BEND4: variants seen among roughly 807,000 people sequenced by gnomAD.
BEND4 encodes the protein BEN domain containing 4.
A neutral mutation model predicts 54.7 loss-of-function variants in BEND4; 27 were observed. The ratio of observed to expected loss-of-function variants is 0.49; its 90% CI spans 0.36 to 0.68. BEND4 has a LOEUF of 0.68. Among genes scored for constraint, BEND4 ranks in the 30% least tolerant of loss-of-function variants. BEND4 has a pLI of 0.00. For synonymous variants in BEND4, 327 were observed against 299.5 expected (o/e 1.09, Z -0.95); for missense variants, 702 against 697.2 (o/e 1.01, Z -0.08).
chr4:42,129,042 GC>G (rs2153145660), intron 3 of BEND4, among the ~76,000 whole-genome samples: 1 of 152,278 alleles, frequency 6.6e-6, no homozygotes, highest in Admixed American at 6.5e-5. Context: ...CACTGTCTCA[GC>G]CCAAAAGCTT....
Position 42,151,684 on chromosome 4 carries a change from C to T in BEND4, c.460G>A (p.Asp154Asn). Residue 154 changes from aspartate (D) to asparagine (N), a missense_variant, in exon 2 of 6, where the codon GAC (aspartate) becomes AAC (asparagine). Transcript: ENST00000502486. ...GCGCTGAGCTCCAGGCTGGCGCTGT[C>T]GCTACCCGTGCCGCCGGTGCCGGCG... Reference protein sequence around the residue: ...AAAGTGGTGSDSASLELSAES... With the variant: ...AAAGTGGTGSNSASLELSAES... 6.6e-7 allele frequency: 1 copy of T among 1,505,484 alleles called. No individual in the cohort carries two copies. The allele number at this position is 1,505,484 out of a possible 1,614,324, so 93.3% of individuals were successfully genotyped here. A position where few individuals can be genotyped will look rare whatever the true frequency, so the allele number is the denominator to read the frequency against.
chr4:42,130,590 CAG>C (rs1305564095), intron 3 of BEND4, among the ~76,000 whole-genome samples: 6 of 150,906 alleles, frequency 4.0e-5, no homozygotes, highest in Admixed American at 6.6e-5. Flanking sequence ...TGTGGAGAAA[CAG>C]AAACGTTTTT....
intron 3 of BEND4, among the ~76,000 whole-genome samples, chr4:42,138,387 C>T (rs1367323415): frequency 1.3e-5 from 2 of 152,058 alleles, no homozygotes; most frequent in African/African-American, 2.4e-5. Flanking sequence ...TTCAAATATA[C>T]AGAGCTAGAG....
rs1007151813 is a variant in BEND4, at chr4:42,111,198, T to C, written c.*6320A>G. ...AATTGTTCACAAAAAAATCTTGCTA[T>C]TCTATATTACACTATGCATTTGTAG... On this transcript the variant is annotated 3_prime_UTR_variant, in exon 6 of 6. Transcript: ENST00000502486. 6.6e-6 allele frequency: 1 copy of C among 152,258 alleles called. No individual in the cohort carries two copies. The highest frequency in any genetic ancestry group is 1.5e-5 in the Non-Finnish European group (1 of 68,044). The allele number at this position is 152,258 out of a possible 1,614,324, so 9.4% of individuals were successfully genotyped here.
rs573080435 is a variant in BEND4, at chr4:42,137,412, C to T, written c.1054+6016G>A. Among the ~76,000 whole-genome samples the T allele has an allele frequency of 3.9e-5, 6 of 152,182 alleles. No individual in the cohort carries two copies. The South Asian group carries it at 1.0e-3, about 26-fold the overall frequency. On this transcript the variant is annotated intron_variant, in intron 3 of 5. Transcript: ENST00000502486. ...ATACAAGACCAGAAACTATAAAAGT[C>T]CTGGAAGACAAAGAACACAGGGGAA...
chr4:42,150,158 T>A, intron 2 of BEND4, among the ~76,000 whole-genome samples: 1 of 149,764 alleles, frequency 6.7e-6, no homozygotes, highest in African/African-American at 2.5e-5. Context: ...TAGGAGAAAA[T>A]AAGATCTCAA....
chr4:42,147,960 T>G (rs1405159386), intron 2 of BEND4, among the ~76,000 whole-genome samples: 1 of 152,134 alleles, frequency 6.6e-6, no homozygotes, highest in Non-Finnish European at 1.5e-5. Context: ...ATGAAGGAGA[T>G]CACAGTAGTC....
Position 42,111,447 on chromosome 4 carries a change from C to T in BEND4, c.*6071G>A, listed in dbSNP as rs573136774. 1 of 152,302 alleles carries T rather than the reference C, an allele frequency of 6.6e-6. No homozygotes were observed. The highest frequency in any genetic ancestry group is 2.1e-4 in the South Asian group (1 of 4,822). The allele number at this position is 152,302 out of a possible 1,614,324, so 9.4% of individuals were successfully genotyped here. The stretch of plus-strand genomic sequence containing the variant: ...GAGAGGAGAGACATAAAGGCAATGC[C>T]TAAATTGCGCAGGGTCGGGCTGGAA... On this transcript the variant is annotated 3_prime_UTR_variant, in exon 6 of 6. Coordinates refer to ENST00000502486, the MANE Select transcript of BEND4 (RefSeq NM_207406.4).
In BEND4 at chr4:42,117,558, T is replaced by G. The variant is rs372409870; in HGVS notation, c.1565A>C (p.Glu522Ala). The change falls in exon 6 of 6, where the codon GAA (glutamate) becomes GCA (alanine). Residue 522 changes from glutamate (E) to alanine (A), a missense_variant. Transcript: ENST00000502486. ...ATCCTGGGAACTTTTATTGAAGACT[T>G]CATCCTGAGAAGCCTGGTGATCGAT... ...EGIDHQASQD[E>A]VFNKSSQDGS... The G allele has an allele frequency of 1.9e-6, 3 of 1,612,862 alleles. No homozygotes were observed. The highest frequency in any genetic ancestry group is 2.5e-6 in the Non-Finnish European group (3 of 1,179,544).
intron 3 of BEND4, among the ~76,000 whole-genome samples, chr4:42,126,289 G>A (rs560064838): frequency 6.6e-6 from 1 of 152,306 alleles, no homozygotes; most frequent in East Asian, 1.9e-4. Flanking sequence ...TGACTTATTT[G>A]ACTCAGGTTG....
intron 5 of BEND4, 67 bp from the exon 6 acceptor site, chr4:42,117,802 C>A: frequency 1.8e-6 from 2 of 1,087,082 alleles, no homozygotes. Flanking sequence ...CAGAAGATGA[C>A]AGGGCAGGCT....
intron 3 of BEND4, among the ~76,000 whole-genome samples, chr4:42,142,068 G>A (rs60649608): frequency 2.0e-5 from 3 of 151,352 alleles, no homozygotes; most frequent in East Asian, 4.0e-4. Context: ...CATGCCTGGC[G>A]ACTTTTGTGT....
At chr4:42,128,459 T>TA (rs951655074) in intron 3 of BEND4, among the ~76,000 whole-genome samples, 28 of 151,612 alleles carry the variant, frequency 1.8e-4, no homozygotes, top group African/African-American at 6.3e-4. Flanking sequence ...CCGTTTCTAT[T>TA]AAAAAACACA....
Position 42,143,765 on chromosome 4 carries a change from T to C in BEND4, c.717A>G (p.Lys239=). 1 of 1,613,816 alleles carries C rather than the reference T, an allele frequency of 6.2e-7. No individual in the cohort carries two copies. The highest frequency in any genetic ancestry group is 8.5e-7 in the Non-Finnish European group (1 of 1,179,776). ...VDIEMQYMQR[K]QQTSAFLRVF... is the part of the protein sequence containing the mutation. The stretch of plus-strand genomic sequence containing the variant: ...CCCTCAAAAAGGCAGAAGTTTGTTG[T>C]TTCCTTTGCATATACTGCATCTCTA... The change falls in exon 3 of 6, where the codon AAA becomes AAG. Residue 239 remains lysine (K), a synonymous_variant. Coordinates refer to ENST00000502486, the MANE Select transcript of BEND4 (RefSeq NM_207406.4).
intron 3 of BEND4, among the ~76,000 whole-genome samples, chr4:42,126,678 A>G (rs1720299781): frequency 6.6e-6 from 1 of 152,200 alleles, no homozygotes; most frequent in Non-Finnish European, 1.5e-5. Flanking sequence ...GATTTACATT[A>G]CAGTCCTTTC....
At position 42,114,302 on chromosome 4, in the gene BEND4, G is replaced by T. The variant is rs1429762404; in HGVS notation, c.*3216C>A. 1.3e-5 allele frequency: 2 copies of T among 152,210 alleles called. No homozygotes were observed. Among genetic ancestry groups the T allele is most frequent in the Non-Finnish European group, 2.9e-5 (2 of 68,076 alleles). The allele number at this position is 152,210 out of a possible 1,614,324, so 9.4% of individuals were successfully genotyped here. ...ACTGCGAAAAGCCGGCATGATCTTT[G>T]TAACAAGATTTTAATTTGGAAAACA... is the stretch of plus-strand genomic sequence containing the variant. On this transcript the variant is annotated 3_prime_UTR_variant, in exon 6 of 6. Coordinates refer to ENST00000502486, the MANE Select transcript of BEND4 (RefSeq NM_207406.4).
chr4:42,140,398 A>G (rs1720841557), intron 3 of BEND4, among the ~76,000 whole-genome samples: 1 of 152,160 alleles, frequency 6.6e-6, no homozygotes, highest in African/African-American at 2.4e-5. Flanking sequence ...TGTTGGATGT[A>G]TTTCTTAACA....
intron 4 of BEND4, among the ~76,000 whole-genome samples, chr4:42,121,313 C>G (rs1156561364): frequency 6.6e-6 from 1 of 152,130 alleles, no homozygotes; most frequent in Non-Finnish European, 1.5e-5. Flanking sequence ...GGAGGCAGCC[C>G]GATGCGGCTA....
chr4:42,152,228 CG>C lies in BEND4; in HGVS notation c.-86del. The C allele has an allele frequency of 8.3e-7, 1 of 1,198,850 alleles. No homozygotes were observed. Among genetic ancestry groups the C allele is most frequent in the Non-Finnish European group, 1.0e-6 (1 of 957,366 alleles). 74.3% of individuals were successfully genotyped at this position (1,198,850 alleles called of 1,614,324 possible). ...GAGGGTGCCTCCGCCGCCTGCCCGC[CG>C]GGTCTGCCCTGGTGCGCGCGTGTGG... On this transcript the variant is annotated 5_prime_UTR_variant, in exon 2 of 6. Coordinates refer to ENST00000502486, the MANE Select transcript of BEND4 (RefSeq NM_207406.4).
Sources: gnomAD v4.1 joint callset for allele counts (sites outside exome capture counted in the v4.1 genomes callset) on GRCh38, gnomAD v4.1.1 for gene constraint, MANE v1.5 for transcripts, NCBI Gene and HGNC (gene_info 2026-07-23, HGNC 2026-07-21) for gene names.